The following DPF2 variants were observed in gnomAD, a reference collection of about 807,000 sequenced individuals.
DPF2 encodes the protein double PHD fingers 2, also known as zinc finger protein ubi-d4.
DPF2 carries 10 observed loss-of-function variants against 59.6 expected under a neutral mutation model. The ratio of observed to expected loss-of-function variants is 0.17; its 90% CI spans 0.10 to 0.28. The LOEUF is 0.28. Ranked by LOEUF, DPF2 falls within the 10% of genes least tolerant of loss-of-function variation. The pLI is 1.00. For synonymous variants in DPF2, 189 were observed against 190.6 expected (o/e 0.99, Z 0.07); for missense variants, 315 against 509.4 (o/e 0.62, Z 3.67).
At chr11:65,333,983 G>C (rs545345603) in intron 1 of DPF2, 65 bp downstream of exon 1, 1 of 1,590,208 alleles carries the variant, frequency 6.3e-7, no homozygotes, top group Non-Finnish European at 8.6e-7. Context: ...AGTAGGGGGC[G>C]GTGGGGGAAG....
intron 1 of DPF2, among the ~76,000 whole-genome samples, chr11:65,339,071 A>G (rs1035987614): frequency 6.6e-6 from 1 of 152,110 alleles, no homozygotes; most frequent in African/African-American, 2.4e-5. Context: ...CGTCATGAGT[A>G]TTAGGGATAC....
At chr11:65,334,295 G>T (rs983001809) in intron 1 of DPF2, among the ~76,000 whole-genome samples, 1 of 152,256 alleles carries the variant, frequency 6.6e-6, no homozygotes, top group Admixed American at 6.5e-5. Context: ...CCCTACGGCT[G>T]GCCCGCCGCC....
chr11:65,338,490 T>C (rs1326142929), intron 1 of DPF2, among the ~76,000 whole-genome samples: 2 of 152,238 alleles, frequency 1.3e-5, no homozygotes, highest in African/African-American at 2.4e-5. Flanking sequence ...TGACTTCCAG[T>C]GTCCGTATCA....
rs761898626 is a variant in DPF2, at chr11:65,346,302, C to T, written c.960C>T (p.Tyr320=). ...TGATGATGGCGGCAGTGAAGACATACCGCTGGCAGTGCATCGAGTGCAAAT... is the reference window on the plus strand; with the variant it reads ...TGATGATGGCGGCAGTGAAGACATATCGCTGGCAGTGCATCGAGTGCAAAT... The part of the protein sequence containing the change: ...TPVMMAAVKT[Y]RWQCIECKCC... Residue 320 remains tyrosine, a synonymous_variant, in exon 9 of 11, where the codon TAC becomes TAT. Transcript: ENST00000528416. 1.2e-6 allele frequency: 2 copies of T among 1,613,960 alleles called. No homozygotes were observed. Among genetic ancestry groups the T allele is most frequent in the Admixed American group, 1.7e-5 (1 of 60,008 alleles).
At chr11:65,341,363 C>G in intron 3 of DPF2, 36 bp from the exon 4 acceptor site, 4 of 1,612,718 alleles carry the variant, frequency 2.5e-6, no homozygotes, top group Non-Finnish European at 2.5e-6. Context: ...GCTTTCAGCC[C>G]TTTTGAGCCT....
chr11:65,339,508 A>G, intron 1 of DPF2, among the ~76,000 whole-genome samples: 1 of 152,218 alleles, frequency 6.6e-6, no homozygotes, highest in Admixed American at 6.5e-5. Context: ...AAGAACCCTA[A>G]GATGGGCCTT....
intron 1 of DPF2, among the ~76,000 whole-genome samples, chr11:65,335,823 A>C (rs973203467): frequency 3.3e-5 from 5 of 150,758 alleles, no homozygotes; most frequent in South Asian, 2.1e-4. Context: ...CTTTTTTTTT[A>C]TTTTTTTAGA....
Position 65,345,651 on chromosome 11 carries a change from C to G in DPF2, c.638-15C>G. 6.2e-7 allele frequency: 1 copy of G among 1,613,960 alleles called. No individual in the cohort carries two copies. The highest frequency in any genetic ancestry group is 8.5e-7 in the Non-Finnish European group (1 of 1,179,986). Reference sequence around the variant, plus strand: ...GTATCCTAACACCTTTCTCTGCAATCTTCTTCCCACTCAGTTTGTGGAAAA... The same window carrying G: ...GTATCCTAACACCTTTCTCTGCAATGTTCTTCCCACTCAGTTTGTGGAAAA... On this transcript the variant is annotated splice_polypyrimidine_tract_variant and intron_variant, in intron 6 of 10. Coordinates refer to ENST00000528416, the MANE Select transcript of DPF2 (RefSeq NM_006268.5).
At position 65,342,919 on chromosome 11, in the gene DPF2, G is replaced by A. The variant is rs955370621; in HGVS notation, c.466-826G>A. 5.9e-5 allele frequency among the ~76,000 whole-genome samples: 9 copies of A among 151,276 alleles called. No homozygotes were observed. The South Asian group carries it at 6.3e-4, about 11-fold the overall frequency. On this transcript the variant is annotated intron_variant, in intron 4 of 10. Coordinates refer to ENST00000528416, the MANE Select transcript of DPF2 (RefSeq NM_006268.5). Reference sequence around the variant, plus strand: ...GTCCCAGCTACTCAGGCGCAAACCCGGGAGGCAGAGCTTGCAGTGAGCCGA... The same window carrying A: ...GTCCCAGCTACTCAGGCGCAAACCCAGGAGGCAGAGCTTGCAGTGAGCCGA...
At chr11:65,341,119 G>A in intron 3 of DPF2, 46 bp downstream of exon 3, 1 of 1,583,632 alleles carries the variant, frequency 6.3e-7, no homozygotes, top group East Asian at 2.2e-5. Flanking sequence ...GCTGCATGGT[G>A]AGAGCCTGCT....
intron 1 of DPF2, 84 bp downstream of exon 1, chr11:65,334,002 CG>C: frequency 6.4e-7 from 1 of 1,556,324 alleles, no homozygotes; most frequent in South Asian, 1.2e-5. Context: ...AGGGACTAGG[CG>C]GAGAGAGGGA....
chr11:65,348,151 T>G (rs1854591306), intron 9 of DPF2: 1 of 151,958 alleles, frequency 6.6e-6, no homozygotes, highest in African/African-American at 2.4e-5. Flanking sequence ...CCAGGTGTGG[T>G]GGCACACACG....
chr11:65,348,761 C>T (rs1333574097), intron 9 of DPF2, 89 bp from the exon 10 acceptor site: 2 of 1,312,800 alleles, frequency 1.5e-6, no homozygotes, highest in African/African-American at 2.9e-5. Context: ...TACCTGCTAC[C>T]TACCCCTCTT....
intron 2 of DPF2, 26 bp downstream of exon 2, chr11:65,340,571 G>A: frequency 1.2e-6 from 2 of 1,612,414 alleles, no homozygotes; most frequent in South Asian, 1.1e-5. Flanking sequence ...TGGGAGAAGG[G>A]GACTCAGGAG....
intron 9 of DPF2, chr11:65,347,915 T>G (rs1199760587): frequency 6.6e-6 from 1 of 152,220 alleles, no homozygotes; most frequent in Non-Finnish European, 1.5e-5. Context: ...CCCAAAATGC[T>G]GGTATTACAG....
At chr11:65,337,504 T>TATATATATATATAG (rs1282367012) in intron 1 of DPF2, among the ~76,000 whole-genome samples, 1 of 21,398 alleles carries the variant, frequency 4.7e-5, no homozygotes, top group Non-Finnish European at 8.1e-5. Flanking sequence ...TATATATATA[T>TATATATATATATAG]AGAGAGAGAG....
intron 1 of DPF2, among the ~76,000 whole-genome samples, chr11:65,335,728 TC>T (rs1221699120): frequency 6.6e-6 from 1 of 152,206 alleles, no homozygotes; most frequent in Non-Finnish European, 1.5e-5. Flanking sequence ...ATATGGCACT[TC>T]TCTTGATTAT....
chr11:65,336,671 C>A (rs1950100220), intron 1 of DPF2, among the ~76,000 whole-genome samples: 1 of 150,630 alleles, frequency 6.6e-6, no homozygotes, highest in African/African-American at 2.4e-5. Flanking sequence ...TGTCTGTAAT[C>A]CCAGCTACTC....
At chr11:65,340,824 C>G in intron 2 of DPF2, 142 bp from the exon 3 acceptor site, 1 of 882,778 alleles carries the variant, frequency 1.1e-6, no homozygotes, top group Non-Finnish European at 1.7e-6. Context: ...ACAGACTATT[C>G]CACCTAACCC....
Sources: allele counts gnomAD v4.1 joint callset (sites outside exome capture counted in the v4.1 genomes callset), GRCh38; gene constraint gnomAD v4.1.1; transcripts MANE v1.5; gene names NCBI Gene and HGNC (gene_info 2026-07-23, HGNC 2026-07-21).